Variants in ZFAT observed in about 807,000 individuals in gnomAD.
ZFAT encodes the protein zinc finger protein ZFAT.
A neutral mutation model predicts 117.7 loss-of-function variants in ZFAT; 64 were observed. The observed-to-expected ratio is 0.54, with a 90% confidence interval of 0.44 to 0.67. The LOEUF (loss-of-function observed/expected upper bound fraction) is 0.67. Among genes scored for constraint, ZFAT ranks in the 30% least tolerant of loss-of-function variants. The pLI is 0.00. For synonymous variants in ZFAT, 679 were observed against 615.0 expected (o/e 1.10, Z -1.54); for missense variants, 1,433 against 1,584.5 (o/e 0.90, Z 1.62).
At position 134,583,870 on chromosome 8, in the gene ZFAT, C is replaced by G. The variant is rs778351515; in HGVS notation, c.2849G>C (p.Gly950Ala). ...AAGGAGTTTGTGACTTTTCAGTGTC[C>G]CTTTTGATTTGAATTTCTTGCCACA... ...DMCGKKFKSK[G>A]TLKSHKLLHT... The change falls in exon 10 of 16, where the codon GGG (glycine) becomes GCG (alanine). Residue 950 changes from glycine (G) to alanine (A), a missense_variant. Gly to Ala is a moderately conservative substitution (Grantham distance 60, BLOSUM62 0). Around this residue, in one of 5 missense-constraint regions of ZFAT, gnomAD observed 503 missense variants for 543.4 expected, o/e 0.93. Transcript: ENST00000377838. 1 of 1,613,172 alleles carries G rather than the reference C, an allele frequency of 6.2e-7. No homozygotes were observed. Among genetic ancestry groups the G allele is most frequent in the Admixed American group, 1.7e-5 (1 of 59,950 alleles).
At chr8:134,525,495 C>T (rs117864833) in intron 12 of ZFAT, among the ~76,000 whole-genome samples, 1 of 152,260 alleles carries the variant, frequency 6.6e-6, no homozygotes, top group Non-Finnish European at 1.5e-5. Context: ...ACAAATTATA[C>T]CAGATAAACC....
At position 134,601,931 on chromosome 8, in the gene ZFAT, A is replaced by G. The variant is rs745668449; in HGVS notation, c.1788T>C (p.Asp596=). 2 of 1,614,110 alleles carry G rather than the reference A, an allele frequency of 1.2e-6. No homozygotes were observed. The highest frequency in any genetic ancestry group is 1.1e-5 in the South Asian group (1 of 91,070). ...AGGAGGTATCATTTTTCAACAAAAA[A>G]TCATCTGAAACCACCTCTTGAGAAT... ...DLHSQEVVSD[D]FLLKNDTSSA... The change falls in exon 6 of 16, where the codon GAT becomes GAC. Residue 596 remains aspartate, a synonymous_variant. Coordinates refer to ENST00000377838, the MANE Select transcript of ZFAT (RefSeq NM_020863.4).
At chr8:134,815,181 C>T in the ZFAT span, among the ~76,000 whole-genome samples, 1 of 152,190 alleles carries the variant, frequency 6.6e-6, no homozygotes, top group African/African-American at 2.4e-5. Flanking sequence ...GTACTTTTTA[C>T]TGCTATGCTA....
the ZFAT span, chr8:134,793,036 G>A: frequency 6.6e-6 from 1 of 152,194 alleles, no homozygotes; most frequent in Non-Finnish European, 1.5e-5. Context: ...GTGGTGGGTT[G>A]AGAATGTGGC....
At chr8:134,646,196 G>A (rs918203533) in intron 2 of ZFAT, among the ~76,000 whole-genome samples, 2 of 152,060 alleles carry the variant, frequency 1.3e-5, no homozygotes, top group Non-Finnish European at 2.9e-5. Flanking sequence ...GCGAAAGAGC[G>A]AAACCCCATC....
chr8:134,632,709 C>A (rs1053127719), intron 3 of ZFAT, among the ~76,000 whole-genome samples: 1 of 151,836 alleles, frequency 6.6e-6, no homozygotes, highest in Non-Finnish European at 1.5e-5. Context: ...AAAACTCCAG[C>A]AAAATGCAAA....
At position 134,478,273 on chromosome 8, in the gene ZFAT, T is replaced by C; in HGVS notation, c.*209A>G. ...GTAAGGGTCAGGGGGTGTGTGTCTA[T>C]GCTGGGGTGAGGGTCCTGTGGTATT... On this transcript the variant is annotated 3_prime_UTR_variant, in exon 16 of 16. Transcript: ENST00000377838. This position sits in a 1 kb window ranked among gnomAD's most constrained non-coding sequence, Gnocchi z 5.2. The C allele has an allele frequency of 1.6e-6, 1 of 644,446 alleles. No homozygotes were observed. Among genetic ancestry groups the C allele is most frequent in the South Asian group, 2.0e-5 (1 of 51,024 alleles). 39.9% of individuals were successfully genotyped at this position (644,446 alleles called of 1,614,324 possible).
the ZFAT span, chr8:134,765,992 T>C: frequency 1.3e-5 from 2 of 152,244 alleles, no homozygotes; most frequent in African/African-American, 4.8e-5. Flanking sequence ...AATAATGCTA[T>C]TGCACACTGG....
Position 134,600,686 on chromosome 8 carries a change from C to A in ZFAT, c.2243-18G>T. 6.4e-7 allele frequency: 1 copy of A among 1,555,748 alleles called. No homozygotes were observed. Among genetic ancestry groups the A allele is most frequent in the South Asian group, 1.2e-5 (1 of 81,306 alleles). ...AAGTTTGCCTAAAAAAATATTTTCA[C>A]ATGAGAACAAGGAAGTTTCATTTTG... On this transcript the variant is annotated intron_variant, in intron 6 of 15. Transcript: ENST00000377838.
chr8:134,554,669 A>C (rs1437062230), intron 11 of ZFAT, among the ~76,000 whole-genome samples: 1 of 152,146 alleles, frequency 6.6e-6, no homozygotes, highest in African/African-American at 2.4e-5. Context: ...ATGCCTAATA[A>C]ACAGAAAGCC....
rs373329392 is a variant in ZFAT at position 134,712,329 on chromosome 8, CA to C, written c.19+515del. ...CAAATGTGGAAGCTTGTGGTAATTACAGGTGAAGGACCCCAAGCTCAAGGTT... is the reference window on the plus strand; with the variant it reads ...CAAATGTGGAAGCTTGTGGTAATTACGGTGAAGGACCCCAAGCTCAAGGTT... On this transcript the variant is annotated intron_variant, in intron 1 of 15. Transcript: ENST00000377838. Among the ~76,000 whole-genome samples the C allele has an allele frequency of 1.1e-3, 170 of 152,304 alleles. 1 individual carries two copies. The Middle Eastern group carries it at 0.024, about 21-fold the overall frequency.
At chr8:134,734,053 A>G in the ZFAT span, among the ~76,000 whole-genome samples, 1 of 152,166 alleles carries the variant, frequency 6.6e-6, no homozygotes, top group Non-Finnish European at 1.5e-5. Context: ...GAGTGTGGTT[A>G]CCCTCCTGCT....
the ZFAT span, among the ~76,000 whole-genome samples, chr8:134,725,125 T>A: frequency 0.06 from 9,069 of 152,126 alleles, 321 homozygotes; most frequent in African/African-American, 0.085. Flanking sequence ...CCCTGCAGAT[T>A]AAGGCTACCA....
At chr8:134,768,337 G>A in the ZFAT span, among the ~76,000 whole-genome samples, 43 of 152,158 alleles carry the variant, frequency 2.8e-4, no homozygotes, top group Non-Finnish European at 4.7e-4. Context: ...GACAATTTAC[G>A]TAATTAATAA....
the ZFAT span, among the ~76,000 whole-genome samples, chr8:134,726,600 G>GAGGGTTTTC: frequency 1.3e-5 from 2 of 152,000 alleles, no homozygotes; most frequent in African/African-American, 2.4e-5. Context: ...TCAGGGTTTG[G>GAGGGTTTTC]AGGGTTTTCT....
chr8:134,534,106 T>C (rs527772500), intron 11 of ZFAT, among the ~76,000 whole-genome samples: 1 of 152,302 alleles, frequency 6.6e-6, no homozygotes, highest in East Asian at 1.9e-4. Context: ...CCTTGACCTA[T>C]GATGGAACCT....
At chr8:134,706,898 A>C (rs2131366184) in intron 1 of ZFAT, among the ~76,000 whole-genome samples, 1 of 151,902 alleles carries the variant, frequency 6.6e-6, no homozygotes, top group Admixed American at 6.5e-5. Context: ...AAAAAGAAAG[A>C]AAGAAAAAAC....
intron 10 of ZFAT, among the ~76,000 whole-genome samples, chr8:134,570,309 A>C (rs971381367): frequency 6.6e-6 from 1 of 152,140 alleles, no homozygotes; most frequent in Non-Finnish European, 1.5e-5. Context: ...CTATATTTTC[A>C]TACTGAAATG....
At chr8:134,712,800 G>GGCCCCCCC in intron 1 of ZFAT, 45 bp downstream of exon 1, 1 of 1,140,184 alleles carries the variant, frequency 8.8e-7, no homozygotes. Flanking sequence ...GCCGCGCCGC[G>GGCCCCCCC]CCCCACCCCC....
Sources: gnomAD v4.1 joint callset for allele counts (sites outside exome capture counted in the v4.1 genomes callset) on GRCh38, gnomAD v4.1.1 for gene constraint, gnomAD v4.1.1 regional missense constraint, Gnocchi (gnomAD v3.1) non-coding constraint, MANE v1.5 for transcripts, NCBI Gene and HGNC (gene_info 2026-07-23, HGNC 2026-07-21) for gene names.